Variants in CCDC81 observed in about 807,000 individuals in gnomAD.
CCDC81 encodes coiled-coil domain-containing protein 81.
A neutral mutation model predicts 83.7 loss-of-function variants in CCDC81; 79 were observed. That is an observed-to-expected ratio of 0.94 (90% confidence interval 0.79 to 1.14). The LOEUF (loss-of-function observed/expected upper bound fraction) is 1.14. Ranked by LOEUF, CCDC81 falls within the 50% of genes most tolerant of loss-of-function variation. CCDC81 has a pLI of 0.00. For missense variants in CCDC81, 791 were observed against 778.1 expected, an observed-to-expected ratio of 1.02 and a Z score of -0.20; for synonymous variants, 252 against 278.1, an observed-to-expected ratio of 0.91 and a Z score of 0.93.
chr11:86,388,436 CT>C (rs1419423555), intron 3 of CCDC81, among the ~76,000 whole-genome samples: 1 of 152,106 alleles, frequency 6.6e-6, no homozygotes, highest in East Asian at 1.9e-4. Context: ...TCCTTTCGAC[CT>C]TCCTGATTGT....
intron 1 of CCDC81, among the ~76,000 whole-genome samples, chr11:86,378,328 C>G (rs1055721718): frequency 2.0e-5 from 3 of 152,144 alleles, no homozygotes; most frequent in Non-Finnish European, 4.4e-5. Context: ...TGTAATCTGA[C>G]AGCAGGCATT....
chr11:86,395,315 C>T lies in CCDC81; in HGVS notation c.556-19C>T. ...GGACCTCAGCCTAGATGTAACCTTG[C>T]TCTGTTGCTGTCCTCTAGAGGCCTG... On this transcript the variant is annotated intron_variant, in intron 4 of 14. Transcript: ENST00000445632. The T allele has an allele frequency of 6.2e-7, 1 of 1,610,334 alleles. No individual in the cohort carries two copies. Among genetic ancestry groups the T allele is most frequent in the Non-Finnish European group, 8.5e-7 (1 of 1,177,020 alleles).
intron 9 of CCDC81, among the ~76,000 whole-genome samples, chr11:86,408,680 G>A (rs1315620058): frequency 6.6e-6 from 1 of 152,102 alleles, no homozygotes; most frequent in East Asian, 1.9e-4. Context: ...TCATATGTCT[G>A]TACTGTGGGA....
At position 86,422,605 on chromosome 11, in the gene CCDC81, T is replaced by C. The variant is rs770257073; in HGVS notation, c.1849T>C (p.Cys617Arg). Residue 617 changes from cysteine to arginine, a missense_variant, in exon 15 of 15, where the codon TGT (cysteine) becomes CGT (arginine). Coordinates refer to ENST00000445632, the MANE Select transcript of CCDC81 (RefSeq NM_001156474.2). ...AGACAAGCTGTTTCTCCTAGACCAG[T>C]GTGAGAAGTATCGGCGCTGCAAGCA... is the stretch of plus-strand genomic sequence containing the variant. Reference protein sequence around the residue: ...ASDKLFLLDQCEKYRRCKQCQ... With the variant: ...ASDKLFLLDQREKYRRCKQCQ... 1.7e-5 allele frequency: 27 copies of C among 1,613,758 alleles called. 1 individual carries two copies. In the South Asian group the frequency reaches 2.4e-4, roughly 14 times the overall value.
chr11:86,385,912 T>C (rs1948235552), intron 1 of CCDC81, 139 bp from the exon 2 acceptor site: 2 of 351,088 alleles, frequency 5.7e-6, no homozygotes, highest in Admixed American at 4.2e-5. Flanking sequence ...GCCTTGTTTT[T>C]TGTTAATTCT....
Position 86,374,936 on chromosome 11 carries a change from G to T in CCDC81, c.-228G>T, listed in dbSNP as rs968860298. Reference sequence around the variant, plus strand: ...GCGGCTCTTGCTGTGGGAGCTGCCCGAGAGCCAGAGCAGTGGGGAGGGACG... The same window carrying T: ...GCGGCTCTTGCTGTGGGAGCTGCCCTAGAGCCAGAGCAGTGGGGAGGGACG... On this transcript the variant is annotated 5_prime_UTR_variant, in exon 1 of 15. Coordinates refer to ENST00000445632, the MANE Select transcript of CCDC81 (RefSeq NM_001156474.2). 9 of 501,720 alleles carry T rather than the reference G, an allele frequency of 1.8e-5. No homozygotes were observed. Among genetic ancestry groups the T allele is most frequent in the Non-Finnish European group, 2.9e-5 (8 of 273,192 alleles). 31.1% of individuals were successfully genotyped at this position (501,720 alleles called of 1,614,324 possible). A position where few individuals can be genotyped will look rare whatever the true frequency, so the allele number is the denominator to read the frequency against.
chr11:86,407,259 G>T (rs1232711409), intron 7 of CCDC81, among the ~76,000 whole-genome samples: 1 of 152,148 alleles, frequency 6.6e-6, no homozygotes, highest in Admixed American at 6.6e-5. Flanking sequence ...TGTGTATTTT[G>T]TTCTTCATTG....
intron 10 of CCDC81, 22 bp downstream of exon 10, chr11:86,409,387 G>C (rs1948607572): frequency 1.6e-6 from 2 of 1,262,976 alleles, no homozygotes; most frequent in Non-Finnish European, 2.2e-6. Flanking sequence ...AAAAATTTCT[G>C]TTGCTAACAC....
At chr11:86,413,890 A>AT (rs1157525468) in intron 11 of CCDC81, among the ~76,000 whole-genome samples, 1 of 152,146 alleles carries the variant, frequency 6.6e-6, no homozygotes, top group Non-Finnish European at 1.5e-5. Context: ...GGGGGCCCAC[A>AT]TTTTTGCTGC....
intron 1 of CCDC81, among the ~76,000 whole-genome samples, chr11:86,376,579 T>C (rs1593902614): frequency 6.6e-6 from 1 of 152,074 alleles, no homozygotes; most frequent in African/African-American, 2.4e-5. Flanking sequence ...GAGAACAGCA[T>C]GGGGGAAACT....
chr11:86,403,235 T>A (rs1034232857), intron 7 of CCDC81, among the ~76,000 whole-genome samples: 1 of 152,042 alleles, frequency 6.6e-6, no homozygotes, highest in African/African-American at 2.4e-5. Flanking sequence ...CTTTTTTAAC[T>A]GGGAGCTTTA....
Position 86,375,316 on chromosome 11 carries a change from C to T in CCDC81, c.79+74C>T, listed in dbSNP as rs1226509372. On this transcript the variant is annotated intron_variant, in intron 1 of 14. Transcript: ENST00000445632. The stretch of plus-strand genomic sequence containing the variant: ...CTGCTTGCAGGGGAGGCGGGGGGAC[C>T]CACTTCCCAATTCCCTGGCTCAGGC... 2.2e-6 allele frequency: 3 copies of T among 1,336,520 alleles called. No individual in the cohort carries two copies. In the African/African-American group the frequency reaches 4.3e-5, roughly 19 times the overall value. 82.8% of individuals were successfully genotyped at this position (1,336,520 alleles called of 1,614,324 possible).
In CCDC81 at chr11:86,409,362, T is replaced by C; in HGVS notation, c.1215T>C (p.Phe405=). 1 of 1,495,346 alleles carries C rather than the reference T, an allele frequency of 6.7e-7. No homozygotes were observed. Among genetic ancestry groups the C allele is most frequent in the Non-Finnish European group, 9.0e-7 (1 of 1,112,546 alleles). The allele number at this position is 1,495,346 out of a possible 1,614,324, so 92.6% of individuals were successfully genotyped here. ...ACCACAAGAATGAGAAACCGGAATT[T>C]TATGTAAGTCTTTTAAAAATTTCTG... ...IRNHKNEKPE[F]YKSFLFDKRP... is the part of the protein sequence containing the mutation. The change falls in exon 10 of 15, where the codon TTT becomes TTC. Residue 405 remains phenylalanine, a synonymous_variant. Coordinates refer to ENST00000445632, the MANE Select transcript of CCDC81 (RefSeq NM_001156474.2).
rs1158984761 is a variant in CCDC81, at chr11:86,402,755, C to A, written c.881+1954C>A. Among the ~76,000 whole-genome samples the A allele has an allele frequency of 3.9e-5, 6 of 152,264 alleles. No homozygotes were observed. In the East Asian group the frequency reaches 1.2e-3, roughly 29 times the overall value. On this transcript the variant is annotated intron_variant, in intron 7 of 14. Transcript: ENST00000445632. ...TGAGAGAGTGCTATATTTTCTACAG[C>A]TTTGCTAATACCATAGCAAAGTGAA...
chr11:86,390,507 A>G (rs775278265), intron 3 of CCDC81, among the ~76,000 whole-genome samples: 11 of 152,204 alleles, frequency 7.2e-5, no homozygotes, highest in Non-Finnish European at 1.5e-4. Context: ...GTTTTTGAGC[A>G]GGGAATTATC....
At chr11:86,414,702 A>G in intron 11 of CCDC81, 87 bp from the exon 12 acceptor site, 1 of 758,292 alleles carries the variant, frequency 1.3e-6, no homozygotes, top group East Asian at 2.6e-5. Context: ...CCTATTTAAT[A>G]CTTATTAAAC....
Position 86,417,904 on chromosome 11 carries a change from C to CT in CCDC81, c.1692-2023dup, listed in dbSNP as rs1452240710. On this transcript the variant is annotated intron_variant, in intron 13 of 14. Coordinates refer to ENST00000445632, the MANE Select transcript of CCDC81 (RefSeq NM_001156474.2). Reference sequence around the variant, plus strand: ...CTGGGACTACAGGTGCATGCCACCACTCCTGGCTAATGTATGATACATTTG... The same window carrying CT: ...CTGGGACTACAGGTGCATGCCACCACTTCCTGGCTAATGTATGATACATTTG... Among the ~76,000 whole-genome samples, 4 of 152,054 alleles carry CT rather than the reference C, an allele frequency of 2.6e-5. No individual in the cohort carries two copies. In the East Asian group the frequency reaches 7.7e-4, roughly 29 times the overall value.
intron 13 of CCDC81, among the ~76,000 whole-genome samples, chr11:86,416,157 C>G (rs1027274844): frequency 1.3e-5 from 2 of 152,096 alleles, no homozygotes; most frequent in African/African-American, 2.4e-5. Flanking sequence ...TTTATAAACT[C>G]TTTTCTTATT....
intron 7 of CCDC81, among the ~76,000 whole-genome samples, chr11:86,401,370 C>G (rs1262215280): frequency 6.6e-6 from 1 of 152,154 alleles, no homozygotes; most frequent in Non-Finnish European, 1.5e-5. Context: ...CTCAACCATG[C>G]TCATTCATTG....
Sources: gnomAD v4.1 joint callset for allele counts (sites outside exome capture counted in the v4.1 genomes callset) on GRCh38, gnomAD v4.1.1 for gene constraint, MANE v1.5 for transcripts, NCBI Gene and HGNC (gene_info 2026-07-23, HGNC 2026-07-21) for gene names.